The following PDHX variants were observed in gnomAD, a reference collection of about 807,000 sequenced individuals.
The protein encoded by PDHX is pyruvate dehydrogenase protein X component, mitochondrial.
A neutral mutation model predicts 55.3 loss-of-function variants in PDHX; 33 were observed. The ratio of observed to expected loss-of-function variants is 0.60; its 90% CI spans 0.45 to 0.80. PDHX has a LOEUF of 0.80. Ranked by LOEUF, PDHX falls within the 30% of genes least tolerant of loss-of-function variation. PDHX has a pLI of 0.00. For missense variants in PDHX, 622 were observed against 619.9 expected (o/e 1.00, Z -0.04); for synonymous variants, 226 against 219.4 (o/e 1.03, Z -0.27).
intron 1 of PDHX, among the ~76,000 whole-genome samples, chr11:34,927,804 A>T (rs1009159409): frequency 3.3e-5 from 5 of 152,144 alleles, no homozygotes; most frequent in African/African-American, 1.2e-4. Context: ...ATCTATCAAG[A>T]GATAGTATTG....
In PDHX at chr11:34,994,867, T is replaced by G. The variant is rs761085087; in HGVS notation, c.1248-47T>G. On this transcript the variant is annotated intron_variant, in intron 10 of 10. Coordinates refer to ENST00000227868, the MANE Select transcript of PDHX (RefSeq NM_003477.3). ...AATATGTGCTTCACGGAAAGGGGACTTTGATTAAGGACATGCCTCCTTCAG... is the reference window on the plus strand; with the variant it reads ...AATATGTGCTTCACGGAAAGGGGACGTTGATTAAGGACATGCCTCCTTCAG... 2.5e-6 allele frequency: 4 copies of G among 1,611,392 alleles called. No homozygotes were observed. In the East Asian group the frequency reaches 8.9e-5, roughly 36 times the overall value.
chr11:34,934,127 C>T (rs12294594), intron 2 of PDHX, among the ~76,000 whole-genome samples: 28,785 of 152,014 alleles, frequency 0.19, 3,888 homozygotes, highest in African/African-American at 0.39. Flanking sequence ...AATCATAGAA[C>T]ATCACTGTAT....
chr11:34,992,531 C>G, intron 10 of PDHX, 152 bp downstream of exon 10: 1 of 583,124 alleles, frequency 1.7e-6, no homozygotes, highest in South Asian at 2.0e-5. Context: ...AAAAATTCTT[C>G]AGACTAGTCA....
In PDHX at chr11:34,939,502, T is replaced by C. The variant is rs61881135; in HGVS notation, c.242-8004T>C. Among the ~76,000 whole-genome samples the C allele has an allele frequency of 4.9e-3, 524 of 107,230 alleles. 1 individual carries two copies. Among genetic ancestry groups the C allele is most frequent in the Admixed American group, 8.2e-3 (87 of 10,636 alleles). 70.3% of individuals were successfully genotyped at this position (107,230 alleles called of 152,430 possible). A position where few individuals can be genotyped will look rare whatever the true frequency, so the allele number is the denominator to read the frequency against. On this transcript the variant is annotated intron_variant, in intron 2 of 10. Transcript: ENST00000227868. ...GTGTGTGTGTGTGTGTGTGTGTGTG[T>C]GTGCACTTGCATGCGCGCAGCGTTT... is the stretch of plus-strand genomic sequence containing the variant.
At chr11:34,950,699 A>G (rs1056801989) in intron 3 of PDHX, among the ~76,000 whole-genome samples, 11 of 151,404 alleles carry the variant, frequency 7.3e-5, no homozygotes, top group African/African-American at 2.7e-4. Flanking sequence ...TACAAAGGAC[A>G]TGAACTCATC....
intron 2 of PDHX, among the ~76,000 whole-genome samples, chr11:34,934,492 C>T (rs1854258275): frequency 6.6e-6 from 1 of 151,006 alleles, no homozygotes; most frequent in Non-Finnish European, 1.5e-5. Flanking sequence ...AATGTATGGA[C>T]CTAATTTTAA....
At position 34,919,131 on chromosome 11, in the gene PDHX, A is replaced by G. The variant is rs563853990; in HGVS notation, c.160+2316A>G. On this transcript the variant is annotated intron_variant, in intron 1 of 10. Coordinates refer to ENST00000227868, the MANE Select transcript of PDHX (RefSeq NM_003477.3). ...TTCTGCATGTGAAGCTGTGGAAAGTATTTGGAAATACTAAGTATTTGGAAG... is the reference window on the plus strand; with the variant it reads ...TTCTGCATGTGAAGCTGTGGAAAGTGTTTGGAAATACTAAGTATTTGGAAG... Among the ~76,000 whole-genome samples the G allele has an allele frequency of 1.1e-4, 16 of 152,322 alleles. No homozygotes were observed. The South Asian group carries it at 3.3e-3, about 32-fold the overall frequency.
At chr11:34,968,948 A>G (rs1040221078) in intron 6 of PDHX, among the ~76,000 whole-genome samples, 4 of 152,092 alleles carry the variant, frequency 2.6e-5, no homozygotes, top group Non-Finnish European at 5.9e-5. Context: ...TCGACTTATA[A>G]TTTTTTGACT....
At chr11:34,982,038 G>C (rs1279019606) in intron 8 of PDHX, among the ~76,000 whole-genome samples, 2 of 152,118 alleles carry the variant, frequency 1.3e-5, no homozygotes, top group African/African-American at 4.8e-5. Context: ...GGCTTTTGTT[G>C]CCATTGCTTT....
chr11:34,924,620 T>A (rs190731301), intron 1 of PDHX, among the ~76,000 whole-genome samples: 19,894 of 152,202 alleles, frequency 0.13, 1,771 homozygotes, highest in African/African-American at 0.26. Context: ...GATCTGAAAT[T>A]AGAGCCTAGG....
intron 6 of PDHX, among the ~76,000 whole-genome samples, chr11:34,969,787 G>A (rs1855217556): frequency 6.6e-6 from 1 of 152,034 alleles, no homozygotes; most frequent in African/African-American, 2.4e-5. Flanking sequence ...TGGTATGTGT[G>A]TGTGTACGTA....
At chr11:34,965,369 GT>G (rs947479098) in intron 5 of PDHX, among the ~76,000 whole-genome samples, 2 of 152,148 alleles carry the variant, frequency 1.3e-5, no homozygotes, top group African/African-American at 4.8e-5. Context: ...CAACATGCAT[GT>G]TTGCTTCTCC....
chr11:34,991,930 TA>T (rs1016639069), intron 9 of PDHX, among the ~76,000 whole-genome samples: 10 of 137,772 alleles, frequency 7.3e-5, no homozygotes, highest in African/African-American at 2.8e-4. Flanking sequence ...AAAAAAAAAC[TA>T]AAAAACACTA....
chr11:34,966,647 C>T lies in PDHX; in HGVS notation c.649C>T (p.Leu217Phe). The T allele has an allele frequency of 6.2e-7, 1 of 1,614,046 alleles. No individual in the cohort carries two copies. The highest frequency in any genetic ancestry group is 1.1e-5 in the South Asian group (1 of 91,084). ...PRGIFTKEDA[L>F]KLVQLKQTGK... ...CTTTGCTCTTATTTCCAGGGATGCT[C>T]TCAAACTTGTCCAGTTGAAACAAAC... is the stretch of plus-strand genomic sequence containing the variant. Residue 217 changes from leucine (L) to phenylalanine (F), a missense_variant, in exon 6 of 11, where the codon CTC becomes TTC. By Grantham distance (22) the Leu-to-Phe change is conservative. Coordinates refer to ENST00000227868, the MANE Select transcript of PDHX (RefSeq NM_003477.3).
intron 2 of PDHX, among the ~76,000 whole-genome samples, chr11:34,940,328 C>A (rs193065242): frequency 3.3e-3 from 497 of 152,226 alleles, no homozygotes; most frequent in African/African-American, 0.011. Context: ...GTCTAATATA[C>A]TGTTACTGTA....
chr11:34,931,949 G>T (rs1854186196), intron 2 of PDHX, among the ~76,000 whole-genome samples: 1 of 152,002 alleles, frequency 6.6e-6, no homozygotes, highest in African/African-American at 2.4e-5. Context: ...GAGGAGGGTT[G>T]TAGCCCTGCT....
intron 2 of PDHX, among the ~76,000 whole-genome samples, chr11:34,935,559 G>T (rs960297411): frequency 4.6e-5 from 7 of 152,110 alleles, no homozygotes; most frequent in Non-Finnish European, 1.0e-4. Flanking sequence ...ATTGGCCACT[G>T]GATAACCTCT....
At chr11:34,968,537 A>G (rs535331390) in intron 6 of PDHX, among the ~76,000 whole-genome samples, 39 of 152,346 alleles carry the variant, frequency 2.6e-4, no homozygotes, top group South Asian at 1.2e-3. Context: ...GATCCAAGGA[A>G]CAGAATGGAA....
chr11:34,970,715 C>T (rs922793691), intron 7 of PDHX, among the ~76,000 whole-genome samples: 2 of 152,086 alleles, frequency 1.3e-5, no homozygotes, highest in Non-Finnish European at 1.5e-5. Flanking sequence ...TTTTGAGTGC[C>T]AACATGAAGC....
Sources: allele counts gnomAD v4.1 joint callset (sites outside exome capture counted in the v4.1 genomes callset), GRCh38; gene constraint gnomAD v4.1.1; transcripts MANE v1.5; gene names NCBI Gene and HGNC (gene_info 2026-07-23, HGNC 2026-07-21).